ZBTB24: variants seen among roughly 807,000 people sequenced by gnomAD.
ZBTB24 encodes the protein zinc finger and BTB domain-containing protein 24.
A neutral mutation model predicts 53.8 loss-of-function variants in ZBTB24; 32 were observed. The observed-to-expected ratio is 0.60, with a 90% CI of 0.45 to 0.80. The LOEUF (loss-of-function observed/expected upper bound fraction) is 0.80. ZBTB24 is among the 30% of genes least tolerant of loss of function. ZBTB24 has a pLI of 0.00. For missense variants in ZBTB24, 722 were observed against 837.1 expected, an observed-to-expected ratio of 0.86 and a Z score of 1.70; for synonymous variants, 297 against 306.7, an observed-to-expected ratio of 0.97 and a Z score of 0.33.
rs759683184 is a variant in ZBTB24, at chr6:109,481,715, T to G, written c.312A>C (p.Lys104Asn). 2.5e-6 allele frequency: 4 copies of G among 1,614,106 alleles called. No homozygotes were observed. The African/African-American group carries it at 5.3e-5, about 22-fold the overall frequency. The change falls in exon 2 of 7, where the codon AAA becomes AAC. Residue 104 changes from lysine (K) to asparagine (N), a missense_variant. Physicochemically the swap from Lys to Asn is moderately conservative, Grantham distance 94. Coordinates refer to ENST00000230122, the MANE Select transcript of ZBTB24 (RefSeq NM_014797.3). The part of the protein sequence containing the change: ...IYTGYLHASE[K>N]STEQILATAQ... Reference sequence around the variant, plus strand: ...CAGTAGCCAGGATTTGTTCTGTACTTTTCTCACTGGCATGGAGATAACCTG... The same window carrying G: ...CAGTAGCCAGGATTTGTTCTGTACTGTTCTCACTGGCATGGAGATAACCTG...
intron 3 of ZBTB24, 26 bp downstream of exon 3, chr6:109,476,737 C>G (rs764438758): frequency 6.8e-6 from 11 of 1,608,814 alleles, no homozygotes; most frequent in Middle Eastern, 2.0e-4. Context: ...TCTGGTGAAG[C>G]TGGCCCTCTG....
rs1420749919 is a variant in ZBTB24, at chr6:109,481,389, G to A, written c.638C>T (p.Ala213Val). The A allele has an allele frequency of 1.9e-6, 3 of 1,613,892 alleles. No homozygotes were observed. The highest frequency in any genetic ancestry group is 1.7e-5 in the Admixed American group (1 of 59,978). ...DSGVLNEQIA[A>V]KEKEESEPTC... ...AGGCTCCGATTCTTCCTTTTCTTTT[G>A]CTGCAATTTGCTCATTCAGTACACC... Residue 213 changes from alanine to valine, a missense_variant, in exon 2 of 7, where the codon GCA becomes GTA. Coordinates refer to ENST00000230122, the MANE Select transcript of ZBTB24 (RefSeq NM_014797.3).
chr6:109,462,891 G>A lies in ZBTB24; in HGVS notation c.*2960C>T, dbSNP rs1376992959. 1.3e-5 allele frequency: 2 copies of A among 152,192 alleles called. No individual in the cohort carries two copies. The highest frequency in any genetic ancestry group is 4.8e-5 in the African/African-American group (2 of 41,440). 9.4% of individuals were successfully genotyped at this position (152,192 alleles called of 1,614,324 possible). A position where few individuals can be genotyped will look rare whatever the true frequency, so the allele number is the denominator to read the frequency against. On this transcript the variant is annotated 3_prime_UTR_variant, in exon 7 of 7. Coordinates refer to ENST00000230122, the MANE Select transcript of ZBTB24 (RefSeq NM_014797.3). ...TTTAAAAAATGGTACACATTTAGTA[G>A]AAAATGAATTGTGAAACACTGCACT...
chr6:109,475,575 T>C, intron 4 of ZBTB24, 93 bp from the exon 5 acceptor site: 1 of 1,466,134 alleles, frequency 6.8e-7, no homozygotes, highest in Non-Finnish European at 9.5e-7. Context: ...TGAAAAATAA[T>C]CACTTTAAAT....
chr6:109,467,766 CAAAACAA>C (rs777649894), intron 5 of ZBTB24, 32 bp from the exon 6 acceptor site: 1 of 1,605,978 alleles, frequency 6.2e-7, no homozygotes, highest in Non-Finnish European at 8.5e-7. Context: ...ACAAAAAACC[CAAAACAA>C]AAAAACATTT....
intron 2 of ZBTB24, among the ~76,000 whole-genome samples, chr6:109,477,439 C>A (rs1192733646): frequency 1.3e-5 from 2 of 152,180 alleles, no homozygotes; most frequent in African/African-American, 4.8e-5. Flanking sequence ...GCATGAGCCA[C>A]CACACCCAGC....
intron 5 of ZBTB24, 82 bp downstream of exon 5, chr6:109,475,317 A>G (rs1208074011): frequency 1.3e-6 from 2 of 1,501,982 alleles, no homozygotes; most frequent in African/African-American, 2.8e-5. Context: ...ACACAGGCTT[A>G]GCAGGGCACT....
Position 109,464,472 on chromosome 6 carries a change from A to C in ZBTB24, c.*1379T>G, listed in dbSNP as rs1775984663. On this transcript the variant is annotated 3_prime_UTR_variant, in exon 7 of 7. Transcript: ENST00000230122. ...TGTTAATTTAGATATACTAGTGCCCACCTTCTTTTCTCAAAAATCCCCTAC... is the reference window on the plus strand; with the variant it reads ...TGTTAATTTAGATATACTAGTGCCCCCCTTCTTTTCTCAAAAATCCCCTAC... 6.6e-6 allele frequency: 1 copy of C among 152,182 alleles called. No homozygotes were observed. The allele number at this position is 152,182 out of a possible 1,614,324, so 9.4% of individuals were successfully genotyped here.
At chr6:109,481,019 T>C (rs1235940338) in intron 2 of ZBTB24, 56 bp downstream of exon 2, 10 of 1,599,504 alleles carry the variant, frequency 6.3e-6, no homozygotes, top group Non-Finnish European at 8.5e-6. Context: ...GCTATTATTA[T>C]CATCACTACT....
rs761443802 is a variant in ZBTB24, at chr6:109,476,160, C to G, written c.1204+15G>C. ...TTTCTTCCCCCCCAATCTAAATGTTCTCACTTTATCGTACCTGTATGAACT... is the reference window on the plus strand; with the variant it reads ...TTTCTTCCCCCCCAATCTAAATGTTGTCACTTTATCGTACCTGTATGAACT... On this transcript the variant is annotated intron_variant, in intron 4 of 6. Transcript: ENST00000230122. 3.1e-6 allele frequency: 5 copies of G among 1,613,084 alleles called. No homozygotes were observed. The East Asian group carries it at 1.1e-4, about 36-fold the overall frequency.
chr6:109,467,533 G>A (rs570753756), intron 6 of ZBTB24, 120 bp downstream of exon 6: 8 of 1,569,814 alleles, frequency 5.1e-6, no homozygotes, highest in Non-Finnish European at 6.9e-6. Context: ...GTAATAAACT[G>A]CACACAAAAT....
At chr6:109,469,192 A>G (rs1231733484) in intron 5 of ZBTB24, among the ~76,000 whole-genome samples, 17 of 152,218 alleles carry the variant, frequency 1.1e-4, no homozygotes, top group Admixed American at 1.1e-3. Flanking sequence ...ATCTGTCTAT[A>G]GCTTTCTACA....
At position 109,475,263 on chromosome 6, in the gene ZBTB24, T is replaced by C. The variant is rs184613523; in HGVS notation, c.1288+136A>G. On this transcript the variant is annotated intron_variant, in intron 5 of 6. Transcript: ENST00000230122. Reference sequence around the variant, plus strand: ...ATTCTGCCTTCCAACTTTTAACTTATCTTCTTACACAACTCCCATCCAATT... The same window carrying C: ...ATTCTGCCTTCCAACTTTTAACTTACCTTCTTACACAACTCCCATCCAATT... 1.2e-4 allele frequency: 130 copies of C among 1,057,192 alleles called. 2 individuals carry two copies. The African/African-American group carries it at 1.9e-3, about 15-fold the overall frequency. 65.5% of individuals were successfully genotyped at this position (1,057,192 alleles called of 1,614,324 possible). A position where few individuals can be genotyped will look rare whatever the true frequency, so the allele number is the denominator to read the frequency against.
chr6:109,471,331 G>A, intron 5 of ZBTB24, among the ~76,000 whole-genome samples: 1 of 152,190 alleles, frequency 6.6e-6, no homozygotes, highest in South Asian at 2.1e-4. Context: ...ATGGCACGTA[G>A]ACTCTGTAAG....
At position 109,482,046 on chromosome 6, in the gene ZBTB24, G is replaced by C; in HGVS notation, c.-20C>G. 1 of 1,607,818 alleles carries C rather than the reference G, an allele frequency of 6.2e-7. No homozygotes were observed. Among genetic ancestry groups the C allele is most frequent in the Non-Finnish European group, 8.5e-7 (1 of 1,174,340 alleles). The stretch of plus-strand genomic sequence containing the variant: ...TGCCATTTTCTTCAGAAGCCACTAA[G>C]GGTTAAATCTGAAATAAGAAAACAA... On this transcript the variant is annotated 5_prime_UTR_variant, in exon 2 of 7. Coordinates refer to ENST00000230122, the MANE Select transcript of ZBTB24 (RefSeq NM_014797.3).
At chr6:109,479,673 T>C (rs956490670) in intron 2 of ZBTB24, among the ~76,000 whole-genome samples, 1 of 152,178 alleles carries the variant, frequency 6.6e-6, no homozygotes, top group Non-Finnish European at 1.5e-5. Flanking sequence ...TCCCAGCACT[T>C]TGGGAGGCTG....
intron 2 of ZBTB24, among the ~76,000 whole-genome samples, chr6:109,480,381 A>T (rs1358167716): frequency 2.0e-5 from 3 of 152,152 alleles, no homozygotes; most frequent in Non-Finnish European, 4.4e-5. Flanking sequence ...TGGTTATTCA[A>T]ATTTAAATGA....
chr6:109,478,036 A>C (rs1776316516), intron 2 of ZBTB24, among the ~76,000 whole-genome samples: 1 of 152,248 alleles, frequency 6.6e-6, no homozygotes, highest in Non-Finnish European at 1.5e-5. Context: ...ACAAAAGCCC[A>C]CCAAGAGTTT....
chr6:109,482,023 C>T lies in ZBTB24; in HGVS notation c.4G>A (p.Ala2Thr), dbSNP rs1206688312. 6.2e-7 allele frequency: 1 copy of T among 1,613,912 alleles called. No individual in the cohort carries two copies. Residue 2 changes from alanine to threonine, a missense_variant, in exon 2 of 7, where the codon GCA becomes ACA. Ala to Thr is a moderately conservative substitution (Grantham distance 58, BLOSUM62 0). Coordinates refer to ENST00000230122, the MANE Select transcript of ZBTB24 (RefSeq NM_014797.3). ...CCAGAAGGCTCTGGCGATGTTTCTGCCATTTTCTTCAGAAGCCACTAAGGG... is the reference window on the plus strand; with the variant it reads ...CCAGAAGGCTCTGGCGATGTTTCTGTCATTTTCTTCAGAAGCCACTAAGGG... M[A>T]ETSPEPSGQL... is the part of the protein sequence containing the mutation.
Sources: allele counts gnomAD v4.1 joint callset (sites outside exome capture counted in the v4.1 genomes callset), GRCh38; gene constraint gnomAD v4.1.1; transcripts MANE v1.5; gene names NCBI Gene and HGNC (gene_info 2026-07-23, HGNC 2026-07-21).